CNTNAP2: variants seen among roughly 807,000 people sequenced by gnomAD.
CNTNAP2 encodes contactin-associated protein-like 2.
A neutral mutation model predicts 155.2 loss-of-function variants in CNTNAP2; 98 were observed. The observed-to-expected ratio is 0.63, with a 90% confidence interval of 0.54 to 0.75. CNTNAP2 has a LOEUF of 0.75. CNTNAP2 is among the 30% of genes least tolerant of loss of function. CNTNAP2 has a pLI of 0.00. For missense variants in CNTNAP2, 1,727 were observed against 1,688.1 expected (o/e 1.02, Z -0.40); for synonymous variants, 651 against 631.2 (o/e 1.03, Z -0.47).
At chr7:147,104,291 A>G (rs974887844) in intron 4 of CNTNAP2, among the ~76,000 whole-genome samples, 2 of 152,066 alleles carry the variant, frequency 1.3e-5, no homozygotes, top group Non-Finnish European at 2.9e-5. Flanking sequence ...CATTTAACTA[A>G]TGGTACATTT....
chr7:147,723,675 C>T (rs1796600635), intron 13 of CNTNAP2, among the ~76,000 whole-genome samples: 1 of 151,860 alleles, frequency 6.6e-6, no homozygotes, highest in African/African-American at 2.4e-5. Flanking sequence ...CAAATATTGC[C>T]AGCTTTTCAT....
At chr7:146,182,916 A>G (rs1003640804) in intron 1 of CNTNAP2, among the ~76,000 whole-genome samples, 5 of 152,036 alleles carry the variant, frequency 3.3e-5, no homozygotes, top group East Asian at 1.9e-4. Context: ...TCATCTTTCT[A>G]TGTCCTATTA....
At chr7:147,827,414 A>G (rs1436674147) in intron 13 of CNTNAP2, among the ~76,000 whole-genome samples, 1 of 152,204 alleles carries the variant, frequency 6.6e-6, no homozygotes. Context: ...AGTGCTTAGC[A>G]TAGCACATAA....
At chr7:146,592,968 T>G (rs1798805293) in intron 1 of CNTNAP2, among the ~76,000 whole-genome samples, 1 of 151,930 alleles carries the variant, frequency 6.6e-6, no homozygotes, top group African/African-American at 2.4e-5. Context: ...TAAGTTGTTA[T>G]TGCTTTCAGG....
chr7:146,158,539 A>G (rs1421708089), intron 1 of CNTNAP2, among the ~76,000 whole-genome samples: 2 of 152,234 alleles, frequency 1.3e-5, no homozygotes, highest in African/African-American at 4.8e-5. Context: ...AGTGTAGAGA[A>G]GTCCTTAAAT....
At chr7:148,379,580 C>G (rs1214725509) in intron 21 of CNTNAP2, among the ~76,000 whole-genome samples, 1 of 152,026 alleles carries the variant, frequency 6.6e-6, no homozygotes, top group Non-Finnish European at 1.5e-5. Flanking sequence ...GGCATGGTAG[C>G]ACACGAGTGT....
intron 1 of CNTNAP2, among the ~76,000 whole-genome samples, chr7:146,697,236 T>A (rs778968187): frequency 2.2e-5 from 3 of 139,128 alleles, no homozygotes; most frequent in African/African-American, 3.3e-5. Context: ...TTTAAATTTA[T>A]TTATTTATTT....
chr7:147,516,504 C>A (rs889154754), intron 11 of CNTNAP2, among the ~76,000 whole-genome samples: 12 of 152,144 alleles, frequency 7.9e-5, no homozygotes, highest in Non-Finnish European at 1.8e-4. Context: ...TTACCTAAAT[C>A]TACTTGGGAT....
intron 7 of CNTNAP2, among the ~76,000 whole-genome samples, chr7:147,130,832 T>G (rs1364411633): frequency 1.3e-5 from 2 of 152,054 alleles, no homozygotes; most frequent in African/African-American, 4.8e-5. Flanking sequence ...GACAATCCCC[T>G]CAAAAGAGGT....
intron 15 of CNTNAP2, among the ~76,000 whole-genome samples, chr7:148,085,484 C>T (rs1158234884): frequency 1.3e-5 from 2 of 152,054 alleles, no homozygotes; most frequent in Non-Finnish European, 2.9e-5. Context: ...ACATATACAC[C>T]AATTGACTAA....
At chr7:148,061,996 TA>T (rs1480699992) in intron 15 of CNTNAP2, among the ~76,000 whole-genome samples, 2,686 of 119,634 alleles carry the variant, frequency 0.022, 146 homozygotes, top group African/African-American at 0.063. Context: ...GATAGATAGA[TA>T]GATAGATAGA....
intron 1 of CNTNAP2, among the ~76,000 whole-genome samples, chr7:146,641,092 T>C (rs1451896147): frequency 1.3e-5 from 2 of 152,072 alleles, no homozygotes; most frequent in Non-Finnish European, 2.9e-5. Context: ...TTTGGGAGGC[T>C]GAGGTGGGCG....
At chr7:146,427,215 G>A (rs1563079746) in intron 1 of CNTNAP2, among the ~76,000 whole-genome samples, 1 of 152,078 alleles carries the variant, frequency 6.6e-6, no homozygotes, top group Non-Finnish European at 1.5e-5. Flanking sequence ...TTTACTTAAT[G>A]ACTTGGAAAT....
At chr7:147,723,998 T>C (rs1185154785) in intron 13 of CNTNAP2, among the ~76,000 whole-genome samples, 1 of 151,992 alleles carries the variant, frequency 6.6e-6, no homozygotes, top group Non-Finnish European at 1.5e-5. Flanking sequence ...TTTTTTCTCA[T>C]TTCATCTACT....
chr7:147,763,246 CA>C (rs1797334236), intron 13 of CNTNAP2, among the ~76,000 whole-genome samples: 1 of 132,236 alleles, frequency 7.6e-6, no homozygotes. Flanking sequence ...GCAACAAGAG[CA>C]GAAACTCAGT....
At chr7:148,013,593 T>C (rs1802120743) in intron 15 of CNTNAP2, among the ~76,000 whole-genome samples, 2 of 152,196 alleles carry the variant, frequency 1.3e-5, no homozygotes, top group Non-Finnish European at 2.9e-5. Flanking sequence ...TGTGTATTAT[T>C]GGCCAAAATT....
intron 13 of CNTNAP2, among the ~76,000 whole-genome samples, chr7:147,681,092 T>C (rs962930882): frequency 6.6e-6 from 1 of 151,964 alleles, no homozygotes; most frequent in Admixed American, 6.6e-5. Context: ...GTAACCCACA[T>C]ATTTGAAAGG....
chr7:146,660,296 C>T (rs1800064858), intron 1 of CNTNAP2, among the ~76,000 whole-genome samples: 1 of 152,066 alleles, frequency 6.6e-6, no homozygotes, highest in South Asian at 2.1e-4. Context: ...TCAGCTGGTA[C>T]CCAGTGGTCT....
intron 1 of CNTNAP2, among the ~76,000 whole-genome samples, chr7:146,247,514 G>T (rs1020905703): frequency 6.6e-6 from 1 of 152,120 alleles, no homozygotes; most frequent in South Asian, 2.1e-4. Flanking sequence ...CAGGTGGGAG[G>T]GAAAGAAGGA....
Sources: gnomAD v4.1 joint callset for allele counts (sites outside exome capture counted in the v4.1 genomes callset) on GRCh38, gnomAD v4.1.1 for gene constraint, MANE v1.5 for transcripts, NCBI Gene and HGNC (gene_info 2026-07-23, HGNC 2026-07-21) for gene names.